The following ESYT1 variants were observed in gnomAD, a reference collection of about 807,000 sequenced individuals.
ESYT1 encodes extended synaptotagmin 1.
Under a neutral mutation model 154.2 loss-of-function variants are expected in ESYT1, and 116 were observed. That is an observed-to-expected ratio of 0.75 (90% CI 0.65 to 0.88). The LOEUF (loss-of-function observed/expected upper bound fraction) is 0.88, where lower values mean the gene tolerates loss of function less well. Ranked by LOEUF, ESYT1 falls within the 40% of genes least tolerant of loss-of-function variation. The pLI is 0.00. For synonymous variants in ESYT1, 500 were observed against 539.9 expected (o/e 0.93, Z 1.02); for missense variants, 1,264 against 1,379.3 (o/e 0.92, Z 1.32).
rs141221606 is a variant in ESYT1, at chr12:56,130,839, C to G, written c.481C>G (p.Leu161Val). The G allele has an allele frequency of 5.1e-5, 82 of 1,614,054 alleles. No individual in the cohort carries two copies. The highest frequency in any genetic ancestry group is 4.0e-4 in the South Asian group (36 of 91,084). Residue 161 changes from leucine to valine, a missense_variant, in exon 3 of 31, where the codon CTG (leucine) becomes GTG (valine). Leu to Val is a conservative substitution (Grantham distance 32). Transcript: ENST00000394048. ...CCTGGGCCAGTATATGGAGAAGCTT[C>G]TGGCTGAAACTGTGGCTCCGGCTGT... ...PFLGQYMEKLLAETVAPAVRG... is the reference protein window; with the variant it reads ...PFLGQYMEKLVAETVAPAVRG...
At chr12:56,143,188 G>A (rs1870784616) in intron 28 of ESYT1, 40 bp downstream of exon 28, 2 of 1,614,000 alleles carry the variant, frequency 1.2e-6, no homozygotes, top group Non-Finnish European at 1.7e-6. Flanking sequence ...TGGCAGGCTT[G>A]GAAAGGACTC....
intron 24 of ESYT1, among the ~76,000 whole-genome samples, chr12:56,141,186 AATT>A (rs1870670800): frequency 6.6e-6 from 1 of 152,186 alleles, no homozygotes; most frequent in Non-Finnish European, 1.5e-5. Flanking sequence ...GCCCGGCTGA[AATT>A]AATAGAATTT....
intron 9 of ESYT1, 37 bp downstream of exon 9, chr12:56,132,634 C>G: frequency 6.2e-7 from 1 of 1,613,908 alleles, no homozygotes; most frequent in Non-Finnish European, 8.5e-7. Context: ...ATGGGGAAGC[C>G]CCAGGAGGTT....
In ESYT1 at chr12:56,130,904, A is replaced by G. The variant is rs761588157; in HGVS notation, c.546A>G (p.Thr182=). 8 of 1,614,116 alleles carry G rather than the reference A, an allele frequency of 5.0e-6. No individual in the cohort carries two copies. In the South Asian group the frequency reaches 7.7e-5, roughly 16 times the overall value. Residue 182 remains threonine (T), a synonymous_variant, in exon 3 of 31, where the codon ACA becomes ACG. Transcript: ENST00000394048. ...CCCATCTGCAAACATTTACATTTAC[A>G]CGAGTGGAACTGGGTGAAAAGGTAT... ...SNPHLQTFTF[T]RVELGEKPLR... is the part of the protein sequence containing the mutation.
intron 19 of ESYT1, 55 bp downstream of exon 19, chr12:56,137,969 G>GT: frequency 6.2e-7 from 1 of 1,611,818 alleles, no homozygotes; most frequent in Non-Finnish European, 8.5e-7. Context: ...AGGCCATGGA[G>GT]TCTGGCCTCC....
chr12:56,143,409 G>A (rs1870795786), intron 29 of ESYT1, 76 bp downstream of exon 29: 1 of 1,525,946 alleles, frequency 6.6e-7, no homozygotes, highest in Non-Finnish European at 9.1e-7. Flanking sequence ...CTGTGAGGAA[G>A]GAAGTACCCC....
Position 56,128,876 on chromosome 12 carries a change from G to A in ESYT1, c.390+167G>A. 9.1e-6 allele frequency: 7 copies of A among 768,300 alleles called. No homozygotes were observed. In the South Asian group the frequency reaches 1.3e-4, roughly 14 times the overall value. 47.6% of individuals were successfully genotyped at this position (768,300 alleles called of 1,614,324 possible). ...CCTGCCTGCTGGACGCGCCACTCTT[G>A]GAACCGACTGCTCACTCTCCCCACC... On this transcript the variant is annotated intron_variant, in intron 1 of 30. Coordinates refer to ENST00000394048, the MANE Select transcript of ESYT1 (RefSeq NM_015292.3).
Position 56,137,658 on chromosome 12 carries a change from T to C in ESYT1, c.2098T>C (p.Trp700Arg). 1.2e-6 allele frequency: 2 copies of C among 1,614,116 alleles called. No individual in the cohort carries two copies. Among genetic ancestry groups the C allele is most frequent in the African/African-American group, 1.3e-5 (1 of 75,030 alleles). Residue 700 changes from tryptophan to arginine, a missense_variant, in exon 18 of 31, where the codon TGG becomes CGG. Transcript: ENST00000394048. ...HVVREDLNPR[W>R]NEVFEVIVTS... Reference sequence around the variant, plus strand: ...TGTTCGGGAAGATCTCAATCCCCGCTGGAATGAGGTTTTTGAGGTCAGAAT... The same window carrying C: ...TGTTCGGGAAGATCTCAATCCCCGCCGGAATGAGGTTTTTGAGGTCAGAAT...
chr12:56,134,464 C>T (rs1301428810), intron 15 of ESYT1, 36 bp downstream of exon 15: 3 of 1,546,552 alleles, frequency 1.9e-6, no homozygotes, highest in Non-Finnish European at 2.7e-6. Context: ...TCCCGAATAC[C>T]CTATTCTGAC....
intron 19 of ESYT1, 47 bp downstream of exon 19, chr12:56,137,961 G>C: frequency 6.2e-7 from 1 of 1,613,196 alleles, no homozygotes; most frequent in Non-Finnish European, 8.5e-7. Flanking sequence ...GGCTCTTTAG[G>C]CCATGGAGTC....
In ESYT1 at chr12:56,144,361, C is replaced by T; in HGVS notation, c.*499C>T. The T allele has an allele frequency of 1.0e-6, 1 of 1,004,824 alleles. No individual in the cohort carries two copies. The highest frequency in any genetic ancestry group is 1.7e-5 in the African/African-American group (1 of 57,740). The allele number at this position is 1,004,824 out of a possible 1,614,324, so 62.2% of individuals were successfully genotyped here. A position where few individuals can be genotyped will look rare whatever the true frequency, so the allele number is the denominator to read the frequency against. On this transcript the variant is annotated 3_prime_UTR_variant, in exon 31 of 31. Coordinates refer to ENST00000394048, the MANE Select transcript of ESYT1 (RefSeq NM_015292.3). ...GTTCAGCAGCTCAGGCCCCCATGTCCAGTTCTGTCCCCACTGTCCTCAACC... is the reference window on the plus strand; with the variant it reads ...GTTCAGCAGCTCAGGCCCCCATGTCTAGTTCTGTCCCCACTGTCCTCAACC...
intron 1 of ESYT1, 186 bp downstream of exon 1, chr12:56,128,895 C>A (rs1205495746): frequency 4.6e-6 from 3 of 652,376 alleles, no homozygotes; most frequent in Non-Finnish European, 7.8e-6. Context: ...TGCTCACTCT[C>A]CCCACCCACC....
At position 56,138,517 on chromosome 12, in the gene ESYT1, A is replaced by G. The variant is rs368946466; in HGVS notation, c.2433+18A>G. ...ACCTCCCGGTGAGATCCCGCTCCCC[A>G]TGCCCCATAACTTCCTGGCCCTTCT... On this transcript the variant is annotated intron_variant, in intron 22 of 30. Transcript: ENST00000394048. 1.3e-6 allele frequency: 2 copies of G among 1,586,714 alleles called. No homozygotes were observed. Among genetic ancestry groups the G allele is most frequent in the Non-Finnish European group, 1.7e-6 (2 of 1,166,372 alleles).
Position 56,138,392 on chromosome 12 carries a change from GC to G in ESYT1, c.2338-8del. 1 of 1,613,420 alleles carries G rather than the reference GC, an allele frequency of 6.2e-7. No individual in the cohort carries two copies. Among genetic ancestry groups the G allele is most frequent in the South Asian group, 1.1e-5 (1 of 91,014 alleles). On this transcript the variant is annotated splice_polypyrimidine_tract_variant and intron_variant, in intron 21 of 30. Coordinates refer to ENST00000394048, the MANE Select transcript of ESYT1 (RefSeq NM_015292.3). ...CAGTTACCACTCCCCAGCCCCGTGT[GC>G]CCCTCCACAGGTGCTGCAGGTGAAT...
At chr12:56,137,697 C>G in intron 18 of ESYT1, 22 bp downstream of exon 18, 2 of 1,611,200 alleles carry the variant, frequency 1.2e-6, no homozygotes, top group Non-Finnish European at 1.7e-6. Flanking sequence ...GTGGCTGTGA[C>G]TCCTGGTTCT....
intron 10 of ESYT1, 121 bp from the exon 11 acceptor site, chr12:56,133,296 T>G: frequency 9.8e-7 from 1 of 1,019,594 alleles, no homozygotes; most frequent in Non-Finnish European, 1.5e-6. Flanking sequence ...CTGAGAGGAA[T>G]AAGGGAGTCT....
chr12:56,139,946 C>A (rs1298284512), intron 24 of ESYT1, among the ~76,000 whole-genome samples: 1 of 151,506 alleles, frequency 6.6e-6, no homozygotes, highest in Admixed American at 6.6e-5. Context: ...GTGGTGCAAT[C>A]AGGGCTCACT....
At chr12:56,136,687 A>C in intron 15 of ESYT1, 57 bp from the exon 16 acceptor site, 1 of 1,480,744 alleles carries the variant, frequency 6.8e-7, no homozygotes, top group Non-Finnish European at 9.1e-7. Flanking sequence ...TCATTTTCAC[A>C]GTATGCCTCC....
rs1870802799 is a variant in ESYT1, at chr12:56,143,563, A to G, written c.3226-17A>G. ...ATAAAAGAAATAACATCTTTCCCCT[A>G]TCATCTTCCAACACAGGTGCAGCTG... On this transcript the variant is annotated splice_polypyrimidine_tract_variant and intron_variant, in intron 29 of 30. Transcript: ENST00000394048. The G allele has an allele frequency of 1.9e-6, 3 of 1,613,956 alleles. No homozygotes were observed. Among genetic ancestry groups the G allele is most frequent in the South Asian group, 1.1e-5 (1 of 91,072 alleles).
Sources: gnomAD v4.1 joint callset for allele counts (sites outside exome capture counted in the v4.1 genomes callset) on GRCh38, gnomAD v4.1.1 for gene constraint, MANE v1.5 for transcripts, NCBI Gene and HGNC (gene_info 2026-07-23, HGNC 2026-07-21) for gene names.